The following DCAF4 variants were observed in gnomAD, a reference collection of about 807,000 sequenced individuals.
The protein encoded by DCAF4 is DDB1 and CUL4 associated factor 4.
DCAF4 carries 37 observed loss-of-function variants against 60.9 expected under a neutral mutation model. That is an observed-to-expected ratio of 0.61 (90% confidence interval 0.47 to 0.80). The LOEUF (loss-of-function observed/expected upper bound fraction) is 0.80. Among genes scored for constraint, DCAF4 ranks in the 30% least tolerant of loss-of-function variants. The pLI, the probability that DCAF4 is intolerant of heterozygous loss-of-function variation, is 0.00. For missense variants in DCAF4, 577 were observed against 650.0 expected, an observed-to-expected ratio of 0.89 and a Z score of 1.22; for synonymous variants, 243 against 254.8, an observed-to-expected ratio of 0.95 and a Z score of 0.44.
In DCAF4 at chr14:72,940,591, G is replaced by GTTT. The variant is rs60174440; in HGVS notation, c.351+229_351+231dup. 2,484 of 284,590 alleles carry GTTT rather than the reference G, an allele frequency of 8.7e-3. 12 individuals carry two copies. The highest frequency in any genetic ancestry group is 0.016 in the African/African-American group (570 of 36,546). The allele number at this position is 284,590 out of a possible 1,614,324, so 17.6% of individuals were successfully genotyped here. On this transcript the variant is annotated intron_variant, in intron 4 of 13. Transcript: ENST00000358377. ...TCCCCGTTTTCTTGTTCGATAAGTT[G>GTTT]TTTTTTTTTTTTTTTTTGAGGCGGA... is the stretch of plus-strand genomic sequence containing the variant.
At position 72,955,529 on chromosome 14, in the gene DCAF4, C is replaced by T. The variant is rs1347621589; in HGVS notation, c.1012C>T (p.Leu338=). 2.5e-6 allele frequency: 4 copies of T among 1,613,764 alleles called. No individual in the cohort carries two copies. The highest frequency in any genetic ancestry group is 3.4e-6 in the Non-Finnish European group (4 of 1,179,736). ...LAQQFALMAP[L]LFNGCRSGEI... is the part of the protein sequence containing the mutation. ...GCAGTCCCTCTTTCCACAGGCTCCTCTGCTGTTTAATGGCTGCCGCTCTGG... is the reference window on the plus strand; with the variant it reads ...GCAGTCCCTCTTTCCACAGGCTCCTTTGCTGTTTAATGGCTGCCGCTCTGG... Residue 338 remains leucine, a synonymous_variant, in exon 12 of 14, where the codon CTG becomes TTG. Coordinates refer to ENST00000358377, the MANE Select transcript of DCAF4 (RefSeq NM_015604.4).
intron 1 of DCAF4, among the ~76,000 whole-genome samples, chr14:72,935,954 C>T (rs902898555): frequency 6.6e-6 from 1 of 151,768 alleles, no homozygotes; most frequent in African/African-American, 2.4e-5. Context: ...TTTTTCCTAT[C>T]AGTCTTTTTC....
rs1027726664 is a variant in DCAF4, at chr14:72,951,828, A to C, written c.759A>C (p.Pro253=). 6.2e-7 allele frequency: 1 copy of C among 1,614,128 alleles called. No homozygotes were observed. Among genetic ancestry groups the C allele is most frequent in the African/African-American group, 1.3e-5 (1 of 75,024 alleles). ...GCCTCATGGGACTCGCAGAGACTCCAGGCTGTGCCACCCTGCTCCCAGCAT... is the reference window on the plus strand; with the variant it reads ...GCCTCATGGGACTCGCAGAGACTCCCGGCTGTGCCACCCTGCTCCCAGCAT... ...LLCLMGLAET[P]GCATLLPASL... is the part of the protein sequence containing the mutation. Residue 253 remains proline (P), a synonymous_variant, in exon 9 of 14, where the codon CCA becomes CCC. Transcript: ENST00000358377.
intron 1 of DCAF4, chr14:72,930,072 C>G: frequency 1.9e-6 from 1 of 531,882 alleles, no homozygotes; most frequent in Admixed American, 3.2e-5. Flanking sequence ...TGGAGGTTGC[C>G]GGGAGCGGAG....
intron 1 of DCAF4, among the ~76,000 whole-genome samples, chr14:72,930,276 G>C (rs1483450076): frequency 7.6e-6 from 1 of 131,034 alleles, no homozygotes; most frequent in African/African-American, 3.0e-5. Flanking sequence ...AGTTTTTTTT[G>C]TTTGTTTTTG....
At chr14:72,929,770 C>T in intron 1 of DCAF4, 4 of 1,047,114 alleles carry the variant, frequency 3.8e-6, no homozygotes, top group South Asian at 3.8e-5. Context: ...GCGCGCAGCT[C>T]GTACGAAGCG....
Position 72,958,902 on chromosome 14 carries a change from A to T in DCAF4, c.*97A>T, listed in dbSNP as rs192189103. On this transcript the variant is annotated 3_prime_UTR_variant, in exon 14 of 14. Transcript: ENST00000358377. ...AATGAGGGTGTTTTAAGTGACACTC[A>T]GTGTACACAGATCCCATCCTCTGGC... The T allele has an allele frequency of 2.2e-5, 32 of 1,476,426 alleles. No homozygotes were observed. The highest frequency in any genetic ancestry group is 2.8e-5 in the Non-Finnish European group (31 of 1,121,002). 91.5% of individuals were successfully genotyped at this position (1,476,426 alleles called of 1,614,324 possible). A position where few individuals can be genotyped will look rare whatever the true frequency, so the allele number is the denominator to read the frequency against.
In DCAF4 at chr14:72,956,449, T is replaced by A; in HGVS notation, c.1243T>A (p.Tyr415Asn). ...VRQYEGHVNE[Y>N]AYLPLHVHEE... Reference sequence around the variant, plus strand: ...GCAGTACGAAGGCCACGTGAATGAGTACGCCTACCTGCCCCTGCATGTGCA... The same window carrying A: ...GCAGTACGAAGGCCACGTGAATGAGAACGCCTACCTGCCCCTGCATGTGCA... The change falls in exon 13 of 14, where the codon TAC becomes AAC. Residue 415 changes from tyrosine (Y) to asparagine (N), a missense_variant. Tyr to Asn is a moderately radical substitution (Grantham distance 143). Coordinates refer to ENST00000358377, the MANE Select transcript of DCAF4 (RefSeq NM_015604.4). The A allele has an allele frequency of 6.2e-7, 1 of 1,613,516 alleles. No homozygotes were observed. The highest frequency in any genetic ancestry group is 1.1e-5 in the South Asian group (1 of 90,976).
chr14:72,937,791 T>G, intron 1 of DCAF4, 180 bp from the exon 2 acceptor site: 1 of 497,928 alleles, frequency 2.0e-6, no homozygotes, highest in Non-Finnish European at 2.6e-6. Context: ...GTGGGAAGGA[T>G]GTTGGGGGAG....
intron 11 of DCAF4, 22 bp from the exon 12 acceptor site, chr14:72,955,501 T>C (rs769417772): frequency 3.0e-5 from 49 of 1,609,442 alleles, no homozygotes; most frequent in Non-Finnish European, 1.4e-5. Context: ...AGCCAGGCAC[T>C]GAGCAGTCCC....
intron 1 of DCAF4, among the ~76,000 whole-genome samples, chr14:72,930,219 G>A (rs1253235438): frequency 6.6e-6 from 1 of 151,928 alleles, no homozygotes; most frequent in Non-Finnish European, 1.5e-5. Context: ...CTTTTCATGT[G>A]CCAGTTGGCT....
At chr14:72,932,564 A>G (rs1232585612) in intron 1 of DCAF4, among the ~76,000 whole-genome samples, 1 of 152,218 alleles carries the variant, frequency 6.6e-6, no homozygotes, top group Non-Finnish European at 1.5e-5. Context: ...GAGGTACTTA[A>G]AAGTTTCTCT....
chr14:72,942,856 C>T (rs1890228338), intron 5 of DCAF4, 138 bp from the exon 6 acceptor site: 1 of 692,786 alleles, frequency 1.4e-6, no homozygotes, highest in Non-Finnish European at 2.4e-6. Flanking sequence ...TCTTGCTCAG[C>T]TCCATTGCTG....
intron 6 of DCAF4, among the ~76,000 whole-genome samples, 153 bp downstream of exon 6, chr14:72,943,249 G>C (rs12436610): frequency 0.076 from 11,646 of 152,254 alleles, 632 homozygotes; most frequent in South Asian, 0.2. Flanking sequence ...TAACCTGCCT[G>C]CTGGCTACCC....
chr14:72,960,205 G>GACCTAGTCCAGAGGCCAGGT (rs1192350150), downstream of DCAF4, among the ~76,000 whole-genome samples: 1 of 150,286 alleles, frequency 6.7e-6, no homozygotes, highest in East Asian at 2.0e-4. Context: ...TGCCCAGGCT[G>GACCTAGTCCAGAGGCCAGGT]GAGTGCAATG....
At chr14:72,929,694 G>A in intron 1 of DCAF4, 1 of 1,295,854 alleles carries the variant, frequency 7.7e-7, no homozygotes, top group Non-Finnish European at 1.1e-6. Context: ...ACGGATGTGC[G>A]TCCCCACCCT....
At chr14:72,936,302 G>A (rs1889257318) in intron 1 of DCAF4, among the ~76,000 whole-genome samples, 1 of 152,160 alleles carries the variant, frequency 6.6e-6, no homozygotes, top group Non-Finnish European at 1.5e-5. Context: ...GGTGGCCCAC[G>A]CCTGTAATCC....
rs995942935 is a variant in DCAF4, at chr14:72,958,858, G to A, written c.*53G>A. The A allele has an allele frequency of 1.5e-5, 22 of 1,510,192 alleles. No homozygotes were observed. Among genetic ancestry groups the A allele is most frequent in the African/African-American group, 1.3e-4 (9 of 71,456 alleles). The allele number at this position is 1,510,192 out of a possible 1,614,324, so 93.5% of individuals were successfully genotyped here. ...TGGATTTGACTTACGGGAGTAAAGC[G>A]TAACTTTTTACTGCATCTAATGAGG... On this transcript the variant is annotated 3_prime_UTR_variant, in exon 14 of 14. Coordinates refer to ENST00000358377, the MANE Select transcript of DCAF4 (RefSeq NM_015604.4).
At chr14:72,932,867 C>T (rs1473366100) in intron 1 of DCAF4, among the ~76,000 whole-genome samples, 1 of 150,310 alleles carries the variant, frequency 6.7e-6, no homozygotes, top group Non-Finnish European at 1.5e-5. Flanking sequence ...TCACACCCAG[C>T]TGAATAATTT....
Sources: gnomAD v4.1 joint callset for allele counts (sites outside exome capture counted in the v4.1 genomes callset) on GRCh38, gnomAD v4.1.1 for gene constraint, MANE v1.5 for transcripts, NCBI Gene and HGNC (gene_info 2026-07-23, HGNC 2026-07-21) for gene names.